CABCOCO1: variants seen among roughly 807,000 people sequenced by gnomAD.
CABCOCO1 encodes the protein ciliary-associated calcium-binding coiled-coil protein 1.
CABCOCO1 carries 28 observed loss-of-function variants against 35.7 expected under a neutral mutation model. The ratio of observed to expected loss-of-function variants is 0.78; its 90% CI spans 0.58 to 1.07. CABCOCO1 has a LOEUF of 1.07. Ranked by LOEUF, CABCOCO1 falls within the 50% of genes least tolerant of loss-of-function variation. CABCOCO1 has a pLI of 0.00. For synonymous variants in CABCOCO1, 95 were observed against 100.1 expected (o/e 0.95, Z 0.30); for missense variants, 326 against 309.2 (o/e 1.05, Z -0.41).
At chr10:61,684,192 T>C (rs1469086188) in intron 3 of CABCOCO1, among the ~76,000 whole-genome samples, 1 of 152,188 alleles carries the variant, frequency 6.6e-6, no homozygotes, top group Non-Finnish European at 1.5e-5. Context: ...TAATTCAGTG[T>C]ATCTGACATA....
At chr10:61,686,399 G>A (rs1474086289) in intron 4 of CABCOCO1, among the ~76,000 whole-genome samples, 1 of 151,830 alleles carries the variant, frequency 6.6e-6, no homozygotes, top group Non-Finnish European at 1.5e-5. Flanking sequence ...GAACAGTTTG[G>A]CTAACTTTGC....
At chr10:61,696,137 G>C (rs1159407687) in intron 5 of CABCOCO1, among the ~76,000 whole-genome samples, 1 of 152,082 alleles carries the variant, frequency 6.6e-6, no homozygotes, top group African/African-American at 2.4e-5. Context: ...TAGCATATAA[G>C]TTGACAGCAA....
At chr10:61,743,836 A>C (rs1369799347) in intron 5 of CABCOCO1, among the ~76,000 whole-genome samples, 9 of 152,068 alleles carry the variant, frequency 5.9e-5, no homozygotes, top group African/African-American at 1.9e-4. Context: ...TCTCTTTTTA[A>C]GCTTTCTCTG....
At chr10:61,711,213 A>G (rs1840726626) in intron 5 of CABCOCO1, among the ~76,000 whole-genome samples, 1 of 152,040 alleles carries the variant, frequency 6.6e-6, no homozygotes, top group Admixed American at 6.6e-5. Context: ...AAAGATGATC[A>G]GATTGCCAAC....
Position 61,735,979 on chromosome 10 carries a change from G to C in CABCOCO1, c.553-24080G>C, listed in dbSNP as rs150929873. Among the ~76,000 whole-genome samples, 3 of 152,160 alleles carry C rather than the reference G, an allele frequency of 2.0e-5. No individual in the cohort carries two copies. In the East Asian group the frequency reaches 5.8e-4, roughly 29 times the overall value. ...CTTCTTTTGAGAGGTATCTGTTCAT[G>C]TCCTTTGCCCACTTGTTAATGGGGT... is the stretch of plus-strand genomic sequence containing the variant. On this transcript the variant is annotated intron_variant, in intron 5 of 7. Coordinates refer to ENST00000648843, the MANE Select transcript of CABCOCO1 (RefSeq NM_001366906.2).
intron 1 of CABCOCO1, among the ~76,000 whole-genome samples, chr10:61,669,399 T>C (rs959544980): frequency 6.6e-6 from 1 of 152,070 alleles, no homozygotes; most frequent in Non-Finnish European, 1.5e-5. Flanking sequence ...CATATTTTCC[T>C]AGTTGGAGAT....
intron 5 of CABCOCO1, among the ~76,000 whole-genome samples, chr10:61,754,392 A>G (rs1163889613): frequency 6.6e-6 from 1 of 152,090 alleles, no homozygotes; most frequent in Non-Finnish European, 1.5e-5. Context: ...TTTCCTTTTA[A>G]ATTGCATTTA....
chr10:61,667,589 A>G (rs1968744), intron 1 of CABCOCO1, among the ~76,000 whole-genome samples: 59,116 of 151,556 alleles, frequency 0.39, 13,774 homozygotes, highest in Middle Eastern at 0.53. Context: ...TTATAGTTTT[A>G]TAATTTATAT....
chr10:61,701,505 A>C (rs1056412897), intron 5 of CABCOCO1, among the ~76,000 whole-genome samples: 2 of 152,184 alleles, frequency 1.3e-5, no homozygotes, highest in African/African-American at 4.8e-5. Context: ...CTAGAAAACA[A>C]GGACTTTAGC....
chr10:61,672,516 T>C (rs1226630043), intron 1 of CABCOCO1, among the ~76,000 whole-genome samples, 116 bp from the exon 2 acceptor site: 2 of 152,210 alleles, frequency 1.3e-5, no homozygotes, highest in African/African-American at 4.8e-5. Context: ...GATTGTTGTT[T>C]TTAAATGTTT....
intron 5 of CABCOCO1, among the ~76,000 whole-genome samples, chr10:61,712,088 C>T (rs1394154768): frequency 6.6e-6 from 1 of 152,154 alleles, no homozygotes; most frequent in Non-Finnish European, 1.5e-5. Flanking sequence ...AACTAATTTA[C>T]ACTCCCATCA....
Position 61,681,150 on chromosome 10 carries a change from A to C in CABCOCO1, c.172A>C (p.Arg58=), listed in dbSNP as rs962612386. 29 of 1,445,968 alleles carry C rather than the reference A, an allele frequency of 2.0e-5. No individual in the cohort carries two copies. The highest frequency in any genetic ancestry group is 3.7e-6 in the Non-Finnish European group (4 of 1,078,676). The allele number at this position is 1,445,968 out of a possible 1,614,324, so 89.6% of individuals were successfully genotyped here. ...TTTTGTTTTATTTTACAGAAAACTG[A>C]GAATATTTTTGAATTTCAAAAACCT... ...EDIDGVQEKL[R]IFLNFKNLET... is the part of the protein sequence containing the mutation. Residue 58 remains arginine (R), a synonymous_variant, in exon 3 of 8, where the codon AGA becomes CGA. Coordinates refer to ENST00000648843, the MANE Select transcript of CABCOCO1 (RefSeq NM_001366906.2).
At chr10:61,764,034 C>A (rs962378251) in intron 7 of CABCOCO1, among the ~76,000 whole-genome samples, 1 of 151,996 alleles carries the variant, frequency 6.6e-6, no homozygotes, top group Admixed American at 6.6e-5. Context: ...CCTTCATGAA[C>A]CTTTTCCCAA....
chr10:61,706,294 A>G (rs61850478), intron 5 of CABCOCO1, among the ~76,000 whole-genome samples: 5,020 of 152,310 alleles, frequency 0.033, 150 homozygotes, highest in African/African-American at 0.073. Flanking sequence ...GCCGAAATTG[A>G]GAAAAGAGAA....
chr10:61,703,227 G>A (rs867689461), intron 5 of CABCOCO1, among the ~76,000 whole-genome samples: 1 of 141,490 alleles, frequency 7.1e-6, no homozygotes, highest in Non-Finnish European at 1.5e-5. Flanking sequence ...CTTGTGAGGA[G>A]ACACACACAC....
At chr10:61,682,361 A>T (rs10761585) in intron 3 of CABCOCO1, among the ~76,000 whole-genome samples, 59,407 of 151,832 alleles carry the variant, frequency 0.39, 13,851 homozygotes, top group Middle Eastern at 0.53. Flanking sequence ...AATTTTTTTT[A>T]AAAATCCCTC....
intron 5 of CABCOCO1, among the ~76,000 whole-genome samples, chr10:61,715,061 T>C (rs1368067044): frequency 6.6e-6 from 1 of 152,208 alleles, no homozygotes; most frequent in Non-Finnish European, 1.5e-5. Context: ...AAGTCCTGGA[T>C]ATCCTTGTAA....
chr10:61,763,289 T>C (rs138360720), intron 7 of CABCOCO1, among the ~76,000 whole-genome samples: 1 of 152,220 alleles, frequency 6.6e-6, no homozygotes, highest in East Asian at 1.9e-4. Flanking sequence ...TACAGAAATT[T>C]CTGAAAATGT....
At chr10:61,763,239 C>T (rs956518174) in intron 7 of CABCOCO1, among the ~76,000 whole-genome samples, 18 of 152,084 alleles carry the variant, frequency 1.2e-4, no homozygotes, top group African/African-American at 4.1e-4. Context: ...TTTCAAAATT[C>T]CTTTTCTATG....
Sources: allele counts gnomAD v4.1 joint callset (sites outside exome capture counted in the v4.1 genomes callset), GRCh38; gene constraint gnomAD v4.1.1; transcripts MANE v1.5; gene names NCBI Gene and HGNC (gene_info 2026-07-23, HGNC 2026-07-21).